Variants in CD58 observed in about 807,000 individuals in gnomAD.
CD58 encodes CD58 molecule.
Under a neutral mutation model 27.6 loss-of-function variants are expected in CD58, and 14 were observed. The observed-to-expected ratio is 0.51, with a 90% confidence interval of 0.34 to 0.79. The LOEUF is 0.79. CD58 is among the 30% of genes least tolerant of loss of function. The pLI is 0.02. For synonymous variants in CD58, 117 were observed against 103.8 expected (o/e 1.13, Z -0.77); for missense variants, 268 against 301.7 (o/e 0.89, Z 0.83).
At chr1:116,549,002 A>T (rs1398200639) in intron 1 of CD58, among the ~76,000 whole-genome samples, 2 of 152,184 alleles carry the variant, frequency 1.3e-5, no homozygotes, top group East Asian at 3.8e-4. Flanking sequence ...TTATGGCGGC[A>T]CAATGACCAG....
At chr1:116,529,576 T>A (rs768944515) in intron 3 of CD58, among the ~76,000 whole-genome samples, 2 of 152,256 alleles carry the variant, frequency 1.3e-5, no homozygotes, top group Non-Finnish European at 2.9e-5. Context: ...CTGGCTTTGC[T>A]CTTAATAAAT....
chr1:116,515,839 G>A lies in CD58; in HGVS notation c.744-1017C>T, dbSNP rs1657062264. ...AAATTGCCTACGTTGAACTGCCTGG[G>A]TGAGAAGTGTGGCGTGGCCATTTCC... is the stretch of plus-strand genomic sequence containing the variant. On this transcript the variant is annotated intron_variant, in intron 5 of 5. Transcript: ENST00000369489. This position sits in a 1 kb window ranked among gnomAD's most constrained non-coding sequence, Gnocchi z 4.6. 7.9e-5 allele frequency among the ~76,000 whole-genome samples: 12 copies of A among 152,142 alleles called. No homozygotes were observed. The highest frequency in any genetic ancestry group is 7.9e-4 in the Admixed American group (12 of 15,278).
At position 116,515,845 on chromosome 1, in the gene CD58, A is replaced by G. The variant is rs970260069; in HGVS notation, c.744-1023T>C. Among the ~76,000 whole-genome samples, 3 of 152,134 alleles carry G rather than the reference A, an allele frequency of 2.0e-5. No individual in the cohort carries two copies. Among genetic ancestry groups the G allele is most frequent in the Non-Finnish European group, 4.4e-5 (3 of 68,026 alleles). On this transcript the variant is annotated intron_variant, in intron 5 of 5. Transcript: ENST00000369489. The surrounding 1 kb of genome is among the most constrained non-coding windows in gnomAD (Gnocchi z 4.6). ...CCTACGTTGAACTGCCTGGGTGAGA[A>G]GTGTGGCGTGGCCATTTCCCGTCAG...
intron 1 of CD58, among the ~76,000 whole-genome samples, chr1:116,555,498 G>A (rs543404119): frequency 1.1e-4 from 16 of 152,204 alleles, no homozygotes; most frequent in South Asian, 4.2e-4. Flanking sequence ...ATCAGTGATC[G>A]CCTAAAAAGA....
intron 1 of CD58, among the ~76,000 whole-genome samples, chr1:116,554,557 C>T (rs1214131517): frequency 6.6e-6 from 1 of 151,892 alleles, no homozygotes; most frequent in East Asian, 1.9e-4. Flanking sequence ...TATAAAAAGA[C>T]ATGAATACAT....
intron 3 of CD58, among the ~76,000 whole-genome samples, chr1:116,526,980 G>C (rs186741392): frequency 2.0e-5 from 3 of 152,094 alleles, no homozygotes; most frequent in African/African-American, 7.2e-5. Flanking sequence ...AATTCCACTT[G>C]TTCATTGCTG....
At chr1:116,558,429 C>T (rs888121497) in intron 1 of CD58, among the ~76,000 whole-genome samples, 3 of 152,138 alleles carry the variant, frequency 2.0e-5, no homozygotes, top group Non-Finnish European at 2.9e-5. Flanking sequence ...CAGTTGATGC[C>T]TACTTGCAGT....
chr1:116,526,900 A>G (rs960021556), intron 3 of CD58, among the ~76,000 whole-genome samples: 1 of 151,994 alleles, frequency 6.6e-6, no homozygotes, highest in Non-Finnish European at 1.5e-5. Flanking sequence ...TCTGGGACAT[A>G]TTTTGTTATT....
rs767272340 is a variant in CD58, at chr1:116,550,878, C to T, written c.71-6274G>A. Among the ~76,000 whole-genome samples the T allele has an allele frequency of 8.5e-5, 13 of 152,160 alleles. No individual in the cohort carries two copies. The highest frequency in any genetic ancestry group is 1.8e-4 in the Non-Finnish European group (12 of 68,026). ...GTTGTATTAGCAAGCATGAAAACAA[C>T]ACTCATCTCCTTGTACATCTCCATC... On this transcript the variant is annotated intron_variant, in intron 1 of 5. Transcript: ENST00000369489. This position sits in a 1 kb window ranked among gnomAD's most constrained non-coding sequence, Gnocchi z 4.2.
intron 1 of CD58, among the ~76,000 whole-genome samples, chr1:116,549,108 T>G (rs568528736): frequency 2.0e-5 from 3 of 152,342 alleles, no homozygotes; most frequent in Admixed American, 2.0e-4. Context: ...TCAGGAAATA[T>G]TCATTGGGCA....
At chr1:116,526,024 C>T (rs1657419534) in intron 3 of CD58, among the ~76,000 whole-genome samples, 1 of 152,092 alleles carries the variant, frequency 6.6e-6, no homozygotes, top group South Asian at 2.1e-4. Context: ...AGATCTTTGA[C>T]TCATTTTTTA....
rs1238557406 is a variant in CD58 at position 116,563,419 on chromosome 1, G to A, written c.70+7484C>T. Among the ~76,000 whole-genome samples, 1 of 152,062 alleles carries A rather than the reference G, an allele frequency of 6.6e-6. No individual in the cohort carries two copies. The highest frequency in any genetic ancestry group is 2.4e-5 in the African/African-American group (1 of 41,416). On this transcript the variant is annotated intron_variant, in intron 1 of 5. Transcript: ENST00000369489. The surrounding 1 kb of genome is among the most constrained non-coding windows in gnomAD (Gnocchi z 4.1). ...GGCCCTCTTCTCACAGCTCCACTAG[G>A]CGGTGCCCCAGTGGGGACTCTGTGT...
intron 1 of CD58, among the ~76,000 whole-genome samples, chr1:116,556,254 A>AG (rs1658555742): frequency 7.4e-6 from 1 of 134,824 alleles, no homozygotes; most frequent in Non-Finnish European, 1.6e-5. Context: ...ACTCCATCTC[A>AG]GAAAAAAAAA....
intron 1 of CD58, among the ~76,000 whole-genome samples, chr1:116,556,229 G>A (rs535102503): frequency 3.2e-4 from 46 of 145,936 alleles, no homozygotes; most frequent in African/African-American, 1.1e-3. Context: ...ACTCCAGCCT[G>A]GGTGACAGAG....
intron 1 of CD58, among the ~76,000 whole-genome samples, chr1:116,545,264 T>A (rs1052505647): frequency 6.6e-6 from 1 of 152,190 alleles, no homozygotes; most frequent in African/African-American, 2.4e-5. Context: ...GGACTGATCC[T>A]AATGGAGAGG....
intron 1 of CD58, among the ~76,000 whole-genome samples, chr1:116,569,598 C>CTTTTTTTTTTTT (rs35150803): frequency 9.0e-6 from 1 of 110,952 alleles, no homozygotes; most frequent in Non-Finnish European, 1.8e-5. Context: ...CACAGCTCAC[C>CTTTTTTTTTTTT]TTTTTTTTTT....
intron 2 of CD58, among the ~76,000 whole-genome samples, chr1:116,543,411 C>T (rs1462601231): frequency 6.6e-6 from 1 of 151,478 alleles, no homozygotes; most frequent in Admixed American, 6.6e-5. Flanking sequence ...CGATCAAGGA[C>T]AATATTGAAA....
In CD58 at chr1:116,519,149, A is replaced by C; in HGVS notation, c.743+82T>G. ...TACAAGGCAACCAACAGATGAGTAC[A>C]ATCTGGCTTCCCAAGTAATGGGCAT... On this transcript the variant is annotated intron_variant, in intron 5 of 5. Transcript: ENST00000369489. The surrounding 1 kb of genome is among the most constrained non-coding windows in gnomAD (Gnocchi z 4.7). The C allele has an allele frequency of 1.9e-6, 3 of 1,591,700 alleles. No individual in the cohort carries two copies. Among genetic ancestry groups the C allele is most frequent in the Admixed American group, 3.5e-5 (2 of 57,192 alleles).
intron 1 of CD58, among the ~76,000 whole-genome samples, chr1:116,545,545 G>A (rs1032686047): frequency 4.6e-5 from 7 of 152,182 alleles, no homozygotes; most frequent in Admixed American, 3.3e-4. Context: ...GGATGGGACT[G>A]TCAGGTCTCC....
Sources: allele counts gnomAD v4.1 joint callset (sites outside exome capture counted in the v4.1 genomes callset), GRCh38; gene constraint gnomAD v4.1.1; non-coding constraint Gnocchi (gnomAD v3.1); transcripts MANE v1.5; gene names NCBI Gene and HGNC (gene_info 2026-07-23, HGNC 2026-07-21).